Variants in KRAS observed in about 807,000 individuals in gnomAD.
The protein encoded by KRAS is GTPase KRas.
Under a neutral mutation model 21.0 loss-of-function variants are expected in KRAS, and 1 was observed. That is an observed-to-expected ratio of 0.05 (90% CI 0.02 to 0.23). The LOEUF is 0.23. Ranked by LOEUF, KRAS falls within the 10% of genes least tolerant of loss-of-function variation. The pLI, the probability that KRAS is intolerant of heterozygous loss-of-function variation, is 1.00. For missense variants in KRAS, 107 were observed against 221.8 expected (o/e 0.48, Z 3.29); for synonymous variants, 67 against 72.5 (o/e 0.92, Z 0.39).
intron 2 of KRAS, among the ~76,000 whole-genome samples, chr12:25,239,309 C>T (rs1951581760): frequency 6.6e-6 from 1 of 151,932 alleles, no homozygotes; most frequent in South Asian, 2.1e-4. Context: ...TTTCATTTGT[C>T]TTCTATCTTT....
rs1310840525 is a variant in KRAS at position 25,206,151 on chromosome 12, G to C, written c.*3644C>G. On this transcript the variant is annotated 3_prime_UTR_variant, in exon 5 of 5. Coordinates refer to ENST00000311936, the MANE Select transcript of KRAS (RefSeq NM_004985.5). Reference sequence around the variant, plus strand: ...TGGAATACAAATGAGATGAACTTGTGCAAACTGTAACTTAACATGCCCCAC... The same window carrying C: ...TGGAATACAAATGAGATGAACTTGTCCAAACTGTAACTTAACATGCCCCAC... The C allele has an allele frequency of 4.6e-6, 1 of 216,194 alleles. No individual in the cohort carries two copies. Among genetic ancestry groups the C allele is most frequent in the Non-Finnish European group, 9.3e-6 (1 of 107,372 alleles). 13.4% of individuals were successfully genotyped at this position (216,194 alleles called of 1,614,324 possible).
At chr12:25,246,035 TGAC>T (rs1215426385) in intron 1 of KRAS, among the ~76,000 whole-genome samples, 4 of 151,548 alleles carry the variant, frequency 2.6e-5, no homozygotes, top group South Asian at 2.1e-4. Flanking sequence ...GAACAATATT[TGAC>T]GACATTTTAA....
intron 2 of KRAS, among the ~76,000 whole-genome samples, chr12:25,231,267 A>G (rs909604194): frequency 6.6e-6 from 1 of 151,902 alleles, no homozygotes; most frequent in African/African-American, 2.4e-5. Context: ...GTGTCCAGCT[A>G]ATTTTTGTAT....
intron 2 of KRAS, chr12:25,234,671 A>G (rs1951521352): frequency 5.3e-6 from 1 of 188,482 alleles, no homozygotes; most frequent in African/African-American, 2.3e-5. Context: ...TGGTTTATTA[A>G]ATGCCTTTAT....
chr12:25,234,930 C>T (rs1951525457), intron 2 of KRAS: 1 of 257,698 alleles, frequency 3.9e-6, no homozygotes, highest in Non-Finnish European at 7.4e-6. Context: ...AAACAAAAAA[C>T]CTAAAGAAAC....
In KRAS at chr12:25,244,252, A is replaced by T. The variant is rs548445301; in HGVS notation, c.111+1022T>A. Among the ~76,000 whole-genome samples the T allele has an allele frequency of 2.6e-5, 4 of 152,304 alleles. No homozygotes were observed. In the East Asian group the frequency reaches 5.8e-4, roughly 22 times the overall value. ...GAAATTTTTCAGAACTGATTTTTTT[A>T]AATTAGTACACTAGATGTAGAATAA... On this transcript the variant is annotated intron_variant, in intron 2 of 4. Coordinates refer to ENST00000311936, the MANE Select transcript of KRAS (RefSeq NM_004985.5).
At chr12:25,249,750 G>A (rs902432664) in intron 1 of KRAS, among the ~76,000 whole-genome samples, 3 of 152,028 alleles carry the variant, frequency 2.0e-5, no homozygotes, top group African/African-American at 7.3e-5. Flanking sequence ...GCAAAATGAG[G>A]GTAGTATAAA....
Position 25,225,761 on chromosome 12 carries a change from T to C in KRAS, c.303A>G (p.Lys101=), listed in dbSNP as rs1262785400. 1.2e-6 allele frequency: 2 copies of C among 1,612,738 alleles called. No homozygotes were observed. Among genetic ancestry groups the C allele is most frequent in the Admixed American group, 1.7e-5 (1 of 59,984 alleles). ...EDIHHYREQI[K]RVKDSEDVPM... ...GTACATCTTCAGAGTCCTTAACTCT[T>C]TTAATTTGTTCTCTGGGAAAGAAAA... Residue 101 remains lysine (K), a synonymous_variant, in exon 4 of 5, where the codon AAA becomes AAG. Coordinates refer to ENST00000311936, the MANE Select transcript of KRAS (RefSeq NM_004985.5).
intron 2 of KRAS, among the ~76,000 whole-genome samples, chr12:25,231,415 GCTGAGTATCCCTACT>G (rs1189086467): frequency 2.0e-5 from 3 of 151,962 alleles, no homozygotes; most frequent in East Asian, 1.9e-4. Context: ...ACCAATGTAG[GCTGAGTATCCCTACT>G]CTGAAAAACC....
chr12:25,211,543 A>G (rs562659819), intron 4 of KRAS, among the ~76,000 whole-genome samples: 2 of 152,088 alleles, frequency 1.3e-5, no homozygotes, highest in Non-Finnish European at 2.9e-5. Context: ...GCACCACTGC[A>G]CTCCAGACTG....
At chr12:25,238,571 C>CT (rs1227812742) in intron 2 of KRAS, among the ~76,000 whole-genome samples, 1 of 152,114 alleles carries the variant, frequency 6.6e-6, no homozygotes, top group Non-Finnish European at 1.5e-5. Flanking sequence ...CGAGTATTTA[C>CT]TTTTCCCCCA....
At chr12:25,232,174 T>C (rs1951482023) in intron 2 of KRAS, among the ~76,000 whole-genome samples, 1 of 152,184 alleles carries the variant, frequency 6.6e-6, no homozygotes, top group African/African-American at 2.4e-5. Context: ...AAAAAAAATA[T>C]GCATCAATGT....
At chr12:25,230,305 G>T (rs1247571787) in intron 2 of KRAS, among the ~76,000 whole-genome samples, 1 of 152,118 alleles carries the variant, frequency 6.6e-6, no homozygotes, top group South Asian at 2.1e-4. Context: ...ATGTTATAAA[G>T]GTTATGTCTT....
At chr12:25,220,103 C>T (rs1951303141) in intron 4 of KRAS, among the ~76,000 whole-genome samples, 1 of 152,186 alleles carries the variant, frequency 6.6e-6, no homozygotes, top group Non-Finnish European at 1.5e-5. Flanking sequence ...TGAACCCTCC[C>T]ACTTTTGATT....
chr12:25,235,618 T>C (rs1951535101), intron 2 of KRAS, among the ~76,000 whole-genome samples: 1 of 152,050 alleles, frequency 6.6e-6, no homozygotes, highest in South Asian at 2.1e-4. Flanking sequence ...CGAAGTACAA[T>C]GGTGGCACAC....
chr12:25,236,619 A>G (rs1951547631), intron 2 of KRAS, among the ~76,000 whole-genome samples: 1 of 151,952 alleles, frequency 6.6e-6, no homozygotes, highest in African/African-American at 2.4e-5. Flanking sequence ...ATAAATGTTA[A>G]AAATGGGTGG....
rs1951172846 is a variant in KRAS, at chr12:25,208,911, TAA to T, written c.*882_*883del. ...AAAGACTCAAGTTGAAGAAAAGATT[TAA>T]AGTTATACTATGAAAGAGCAGTCTG... is the stretch of plus-strand genomic sequence containing the variant. On this transcript the variant is annotated 3_prime_UTR_variant, in exon 5 of 5. Coordinates refer to ENST00000311936, the MANE Select transcript of KRAS (RefSeq NM_004985.5). 1 of 261,506 alleles carries T rather than the reference TAA, an allele frequency of 3.8e-6. No homozygotes were observed. Among genetic ancestry groups the T allele is most frequent in the Non-Finnish European group, 7.3e-6 (1 of 137,820 alleles). The allele number at this position is 261,506 out of a possible 1,614,324, so 16.2% of individuals were successfully genotyped here.
chr12:25,233,894 T>C (rs1434436557), intron 2 of KRAS: 5 of 191,868 alleles, frequency 2.6e-5, no homozygotes, highest in Non-Finnish European at 5.4e-5. Flanking sequence ...ATAAATACAA[T>C]TTAACAGATT....
chr12:25,234,556 T>G (rs2135793237), intron 2 of KRAS: 1 of 186,128 alleles, frequency 5.4e-6, no homozygotes, highest in South Asian at 2.0e-4. Context: ...TATATAGGTT[T>G]TTTTTCTTAT....
Sources: gnomAD v4.1 joint callset for allele counts (sites outside exome capture counted in the v4.1 genomes callset) on GRCh38, gnomAD v4.1.1 for gene constraint, MANE v1.5 for transcripts, NCBI Gene and HGNC (gene_info 2026-07-23, HGNC 2026-07-21) for gene names.